Variants in FRMD5 observed in about 807,000 individuals in gnomAD.
FRMD5 encodes the protein FERM domain-containing protein 5.
In FRMD5, 20 loss-of-function variants were observed where a neutral mutation model predicts 69.0. That is an observed-to-expected ratio of 0.29 (90% CI 0.20 to 0.42). FRMD5 has a LOEUF of 0.42. Ranked by LOEUF, FRMD5 falls within the 10% of genes least tolerant of loss-of-function variation. The pLI, the probability that FRMD5 is intolerant of heterozygous loss-of-function variation, is 1.00. For missense variants in FRMD5, 595 were observed against 708.6 expected (o/e 0.84, Z 1.82); for synonymous variants, 271 against 260.1 (o/e 1.04, Z -0.40).
intron 1 of FRMD5, among the ~76,000 whole-genome samples, chr15:43,944,538 T>C (rs973300073): frequency 9.9e-5 from 15 of 151,718 alleles, no homozygotes; most frequent in African/African-American, 3.4e-4. Flanking sequence ...CAAGTGATTC[T>C]CTTGCCTCAG....
At chr15:43,878,938 T>TA (rs2088445283) in intron 13 of FRMD5, among the ~76,000 whole-genome samples, 1 of 142,866 alleles carries the variant, frequency 7.0e-6, no homozygotes, top group South Asian at 2.3e-4. Context: ...TTTTCTTTTT[T>TA]TTTTTTTTTT....
chr15:44,025,903 T>C (rs1891408725), intron 1 of FRMD5, among the ~76,000 whole-genome samples: 1 of 152,142 alleles, frequency 6.6e-6, no homozygotes, highest in African/African-American at 2.4e-5. Context: ...ATCACACCTT[T>C]TCTCATTCAC....
intron 1 of FRMD5, among the ~76,000 whole-genome samples, chr15:44,160,463 A>C (rs2077599099): frequency 1.3e-5 from 2 of 152,226 alleles, no homozygotes; most frequent in Admixed American, 1.3e-4. Flanking sequence ...ATGCAAATGG[A>C]ACCTCTTGTA....
At chr15:44,041,946 G>T in intron 1 of FRMD5, among the ~76,000 whole-genome samples, 1 of 152,076 alleles carries the variant, frequency 6.6e-6, no homozygotes, top group East Asian at 1.9e-4. Flanking sequence ...AGAACTGAGG[G>T]AGATAGAGAC....
At chr15:43,949,638 G>C (rs187549414) in intron 1 of FRMD5, among the ~76,000 whole-genome samples, 5 of 152,332 alleles carry the variant, frequency 3.3e-5, no homozygotes, top group Admixed American at 2.6e-4. Flanking sequence ...TAGAGTTGTT[G>C]CATCATTCCA....
intron 1 of FRMD5, among the ~76,000 whole-genome samples, chr15:44,042,383 A>G (rs1436146384): frequency 6.6e-6 from 1 of 152,220 alleles, no homozygotes; most frequent in Non-Finnish European, 1.5e-5. Context: ...TTCTGAAATG[A>G]TTCCAAACAA....
At chr15:43,899,043 C>A (rs1226921754) in intron 7 of FRMD5, among the ~76,000 whole-genome samples, 1 of 152,184 alleles carries the variant, frequency 6.6e-6, no homozygotes, top group Non-Finnish European at 1.5e-5. Context: ...AAAATGATTC[C>A]TCTTCTGTCC....
At chr15:43,980,025 T>G (rs145357102) in intron 1 of FRMD5, among the ~76,000 whole-genome samples, 1 of 152,238 alleles carries the variant, frequency 6.6e-6, no homozygotes, top group African/African-American at 2.4e-5. Flanking sequence ...CTGCTCAGAA[T>G]CCTAGATGTT....
chr15:44,162,433 A>G (rs1486779997), intron 1 of FRMD5, among the ~76,000 whole-genome samples: 1 of 151,990 alleles, frequency 6.6e-6, no homozygotes, highest in Non-Finnish European at 1.5e-5. Context: ...ATTAATATTT[A>G]CATTACTTTG....
chr15:44,167,195 C>T (rs2077724235), intron 1 of FRMD5, among the ~76,000 whole-genome samples: 1 of 152,000 alleles, frequency 6.6e-6, no homozygotes, highest in Non-Finnish European at 1.5e-5. Context: ...AGTGAGACCT[C>T]GTCTCCACAA....
chr15:43,930,504 T>A (rs1272844567), intron 1 of FRMD5, among the ~76,000 whole-genome samples: 1 of 152,216 alleles, frequency 6.6e-6, no homozygotes, highest in Non-Finnish European at 1.5e-5. Flanking sequence ...TGGGGCCACG[T>A]AACCATGTGG....
At chr15:43,927,420 C>G (rs1284051640) in intron 1 of FRMD5, among the ~76,000 whole-genome samples, 12 of 152,178 alleles carry the variant, frequency 7.9e-5, no homozygotes, top group Admixed American at 7.9e-4. Context: ...TTATGAATCA[C>G]ACTGGGACTT....
At chr15:43,899,892 G>A (rs1045388967) in intron 7 of FRMD5, among the ~76,000 whole-genome samples, 6 of 152,150 alleles carry the variant, frequency 3.9e-5, no homozygotes, top group Non-Finnish European at 8.8e-5. Flanking sequence ...CCAGAATCCC[G>A]TGGGCAACGG....
At chr15:44,116,479 A>G (rs554331744) in intron 1 of FRMD5, among the ~76,000 whole-genome samples, 1 of 152,312 alleles carries the variant, frequency 6.6e-6, no homozygotes, top group African/African-American at 2.4e-5. Flanking sequence ...CTACAGGGCT[A>G]CAACAGCCAG....
At chr15:43,965,910 C>G (rs1311580279) in intron 1 of FRMD5, among the ~76,000 whole-genome samples, 1 of 152,112 alleles carries the variant, frequency 6.6e-6, no homozygotes. Flanking sequence ...TCCAAAGAAG[C>G]ACATATGAGG....
At chr15:44,198,251 G>C (rs149046363), upstream of FRMD5, among the ~76,000 whole-genome samples, 1,689 of 151,452 alleles carry the variant, frequency 0.011, 25 homozygotes, top group African/African-American at 0.038. Flanking sequence ...TTGAGCCTAG[G>C]GGGAGGGGAA....
intron 1 of FRMD5, among the ~76,000 whole-genome samples, chr15:44,039,527 A>C (rs1400051997): frequency 2.0e-5 from 3 of 152,220 alleles, no homozygotes; most frequent in Admixed American, 6.5e-5. Flanking sequence ...ATACTCAGGC[A>C]AACAGGGTCT....
intron 1 of FRMD5, among the ~76,000 whole-genome samples, chr15:44,051,066 T>C (rs1892641247): frequency 1.3e-5 from 2 of 151,164 alleles, no homozygotes; most frequent in Non-Finnish European, 1.5e-5. Flanking sequence ...TATTTCTCAC[T>C]GGTCCTGAAA....
At chr15:43,997,900 C>A (rs944139696) in intron 1 of FRMD5, among the ~76,000 whole-genome samples, 1 of 152,086 alleles carries the variant, frequency 6.6e-6, no homozygotes, top group East Asian at 1.9e-4. Flanking sequence ...ACATTGAGAT[C>A]TCCGGTCTAC....
Sources: gnomAD v4.1 joint callset for allele counts (sites outside exome capture counted in the v4.1 genomes callset) on GRCh38, gnomAD v4.1.1 for gene constraint, MANE v1.5 for transcripts, NCBI Gene and HGNC (gene_info 2026-07-23, HGNC 2026-07-21) for gene names.